SACM1L: variants seen among roughly 807,000 people sequenced by gnomAD.
The protein encoded by SACM1L is SAC1 like phosphatidylinositide phosphatase.
A neutral mutation model predicts 89.5 loss-of-function variants in SACM1L; 32 were observed. The ratio of observed to expected loss-of-function variants is 0.36; its 90% CI spans 0.27 to 0.48. SACM1L has a LOEUF of 0.48. Among genes scored for constraint, SACM1L ranks in the 20% least tolerant of loss-of-function variants. The pLI is 0.99. For missense variants in SACM1L, 543 were observed against 708.5 expected, an observed-to-expected ratio of 0.77 and a Z score of 2.65; for synonymous variants, 213 against 232.8, an observed-to-expected ratio of 0.92 and a Z score of 0.77.
chr3:45,705,319 C>A, intron 3 of SACM1L, 110 bp downstream of exon 3: 1 of 554,988 alleles, frequency 1.8e-6, no homozygotes, highest in Non-Finnish European at 3.2e-6. Flanking sequence ...ATGCTTTAAG[C>A]AGTAAATCTC....
At chr3:45,703,410 G>T in intron 1 of SACM1L, 28 bp from the exon 2 acceptor site, 1 of 1,442,270 alleles carries the variant, frequency 6.9e-7, no homozygotes, top group Non-Finnish European at 9.8e-7. Flanking sequence ...CATTTGGTTA[G>T]TTATTTATGT....
rs1699368855 is a variant in SACM1L, at chr3:45,743,790, C to G, written c.*121C>G. On this transcript the variant is annotated 3_prime_UTR_variant, in exon 20 of 20. Transcript: ENST00000389061. ...TTAATGCCTTTATCCAAAAGCACAT[C>G]TTGTGCTCCATGCAGGATGATGACA... is the stretch of plus-strand genomic sequence containing the variant. 3 of 992,998 alleles carry G rather than the reference C, an allele frequency of 3.0e-6. No homozygotes were observed. Among genetic ancestry groups the G allele is most frequent in the Non-Finnish European group, 2.9e-6 (2 of 685,000 alleles). The allele number at this position is 992,998 out of a possible 1,614,324, so 61.5% of individuals were successfully genotyped here.
At chr3:45,710,378 AGAT>A (rs1698497959) in intron 5 of SACM1L, among the ~76,000 whole-genome samples, 2 of 151,726 alleles carry the variant, frequency 1.3e-5, no homozygotes, top group African/African-American at 2.4e-5. Flanking sequence ...TTTTTAGTAG[AGAT>A]GGGGTTTCGC....
intron 1 of SACM1L, among the ~76,000 whole-genome samples, chr3:45,696,169 T>C (rs1026771853): frequency 2.0e-5 from 3 of 152,032 alleles, no homozygotes; most frequent in East Asian, 3.9e-4. Flanking sequence ...AGCTACTGTT[T>C]TGTATTTTTA....
chr3:45,712,923 G>A (rs777949871), intron 5 of SACM1L, among the ~76,000 whole-genome samples: 3 of 152,120 alleles, frequency 2.0e-5, no homozygotes, highest in African/African-American at 4.8e-5. Context: ...AAGAAATACC[G>A]TAAAACTCCT....
In SACM1L at chr3:45,738,744, C is replaced by T. The variant is rs1293609633; in HGVS notation, c.1477-37C>T. 3.9e-6 allele frequency: 6 copies of T among 1,535,768 alleles called. No homozygotes were observed. In the South Asian group the frequency reaches 6.7e-5, roughly 17 times the overall value. The stretch of plus-strand genomic sequence containing the variant: ...GCATTGTTCATCACTAATGTTATCT[C>T]ACACTGAGTTTACGAATTTCTTCCT... On this transcript the variant is annotated intron_variant, in intron 17 of 19. Coordinates refer to ENST00000389061, the MANE Select transcript of SACM1L (RefSeq NM_014016.5).
At position 45,692,954 on chromosome 3, in the gene SACM1L, G is replaced by C. The variant is rs377290018; in HGVS notation, c.32+3457G>C. ...GACAGAGATACATTCTGAGAAATATGTTAGAAATATGTTAGGCAACTTCTT... is the reference window on the plus strand; with the variant it reads ...GACAGAGATACATTCTGAGAAATATCTTAGAAATATGTTAGGCAACTTCTT... On this transcript the variant is annotated intron_variant, in intron 1 of 19. Transcript: ENST00000389061. 5.3e-5 allele frequency among the ~76,000 whole-genome samples: 8 copies of C among 152,256 alleles called. 1 individual carries two copies. The highest frequency in any genetic ancestry group is 2.0e-4 in the Admixed American group (3 of 15,286).
At chr3:45,718,774 T>C (rs1235613144) in intron 7 of SACM1L, among the ~76,000 whole-genome samples, 1 of 152,176 alleles carries the variant, frequency 6.6e-6, no homozygotes, top group East Asian at 1.9e-4. Context: ...CCCTTTACTC[T>C]GGGAATGAAG....
chr3:45,719,677 A>G, intron 8 of SACM1L, 76 bp downstream of exon 8: 2 of 803,930 alleles, frequency 2.5e-6, no homozygotes, highest in South Asian at 3.7e-5. Context: ...AACCTTTTGT[A>G]TTTTATTTGT....
chr3:45,726,872 T>TGGTATA (rs1559548024), intron 11 of SACM1L, among the ~76,000 whole-genome samples: 58 of 17,460 alleles, frequency 3.3e-3, no homozygotes, highest in South Asian at 5.4e-3. Flanking sequence ...TTTATTTCTT[T>TGGTATA]TTTTTTTTTT....
rs112530102 is a variant in SACM1L at position 45,728,812 on chromosome 3, A to G, written c.922-2489A>G. Among the ~76,000 whole-genome samples, 523 of 152,268 alleles carry G rather than the reference A, an allele frequency of 3.4e-3. 4 individuals are homozygous for G. The highest frequency in any genetic ancestry group is 0.011 in the African/African-American group (466 of 41,546). ...TTCAGCTTCCTGAGCAGCTAGGACTATAGGCACATACCACCATGCTTGGCT... is the reference window on the plus strand; with the variant it reads ...TTCAGCTTCCTGAGCAGCTAGGACTGTAGGCACATACCACCATGCTTGGCT... On this transcript the variant is annotated intron_variant, in intron 11 of 19. Transcript: ENST00000389061.
intron 3 of SACM1L, among the ~76,000 whole-genome samples, chr3:45,705,664 G>T (rs1457336385): frequency 6.6e-6 from 1 of 151,830 alleles, no homozygotes; most frequent in African/African-American, 2.4e-5. Flanking sequence ...CACCACACTC[G>T]GCTAATTTGT....
chr3:45,703,026 C>T (rs1044327054), intron 1 of SACM1L, among the ~76,000 whole-genome samples: 1 of 152,134 alleles, frequency 6.6e-6, no homozygotes, highest in South Asian at 2.1e-4. Flanking sequence ...CACGATGCTG[C>T]GTGATGAATC....
intron 2 of SACM1L, among the ~76,000 whole-genome samples, chr3:45,704,110 TGGAACA>T (rs1698333425): frequency 6.6e-6 from 1 of 152,212 alleles, no homozygotes; most frequent in African/African-American, 2.4e-5. Context: ...TTCACTTGTG[TGGAACA>T]CCCTGACTTT....
chr3:45,724,154 G>A (rs975467262), intron 11 of SACM1L, among the ~76,000 whole-genome samples: 2 of 152,158 alleles, frequency 1.3e-5, no homozygotes, highest in African/African-American at 4.8e-5. Context: ...AAGTAGAATT[G>A]CTAGATCATA....
rs888466897 is a variant in SACM1L at position 45,732,388 on chromosome 3, T to C, written c.1100+237T>C. Among the ~76,000 whole-genome samples, 13 of 152,352 alleles carry C rather than the reference T, an allele frequency of 8.5e-5. No homozygotes were observed. The South Asian group carries it at 1.9e-3, about 22-fold the overall frequency. ...GATATCTTCATATTTTTATAAATTA[T>C]CTACCATACATTTACAAATTTTTGT... On this transcript the variant is annotated intron_variant, in intron 13 of 19. Coordinates refer to ENST00000389061, the MANE Select transcript of SACM1L (RefSeq NM_014016.5).
chr3:45,734,848 A>G (rs1218036572), intron 13 of SACM1L: 1 of 157,724 alleles, frequency 6.3e-6, no homozygotes. Flanking sequence ...AGAGGATTCT[A>G]AAGATAGTAT....
intron 11 of SACM1L, among the ~76,000 whole-genome samples, chr3:45,723,971 C>CAA (rs1698850358): frequency 6.6e-6 from 1 of 151,354 alleles, no homozygotes; most frequent in African/African-American, 2.4e-5. Flanking sequence ...CACAGACACA[C>CAA]ACACACACAC....
intron 6 of SACM1L, chr3:45,713,403 A>G (rs1698570842): frequency 2.5e-6 from 1 of 393,906 alleles, no homozygotes; most frequent in Non-Finnish European, 4.5e-6. Flanking sequence ...CTTCTATAGA[A>G]GCCTTAAATA....
Sources: allele counts gnomAD v4.1 joint callset (sites outside exome capture counted in the v4.1 genomes callset), GRCh38; gene constraint gnomAD v4.1.1; transcripts MANE v1.5; gene names NCBI Gene and HGNC (gene_info 2026-07-23, HGNC 2026-07-21).